Variants in DMXL1 observed in about 807,000 individuals in gnomAD.
DMXL1 encodes the protein dmX-like protein 1.
DMXL1 carries 99 observed loss-of-function variants against 319.2 expected under a neutral mutation model. That is an observed-to-expected ratio of 0.31 (90% CI 0.26 to 0.37). The LOEUF is 0.37. Ranked by LOEUF, DMXL1 falls within the 10% of genes least tolerant of loss-of-function variation. The pLI is 1.00. For missense variants in DMXL1, 3,745 were observed against 3,595.6 expected (o/e 1.04, Z -1.06); for synonymous variants, 1,385 against 1,235.2 (o/e 1.12, Z -2.54).
chr5:119,086,508 G>T (rs571244403), intron 1 of DMXL1, among the ~76,000 whole-genome samples: 86 of 152,170 alleles, frequency 5.7e-4, no homozygotes, highest in African/African-American at 1.9e-3. Flanking sequence ...GTAGTTTTTT[G>T]TTGTTGTTGT....
chr5:119,173,776 G>GTGTATATATATATATATATATATATATA lies in DMXL1; in HGVS notation c.6682-1484_6682-1483insGTATATATATATATATATATATATATAT. Among the ~76,000 whole-genome samples the GTGTATATATATATATATATATATATATA allele has an allele frequency of 3.0e-3, 203 of 67,112 alleles. 15 individuals are homozygous for GTGTATATATATATATATATATATATATA. The highest frequency in any genetic ancestry group is 5.4e-3 in the African/African-American group (97 of 17,982). 44.0% of individuals were successfully genotyped at this position (67,112 alleles called of 152,430 possible). A position where few individuals can be genotyped will look rare whatever the true frequency, so the allele number is the denominator to read the frequency against. On this transcript the variant is annotated intron_variant, in intron 25 of 43. Coordinates refer to ENST00000539542, the MANE Select transcript of DMXL1 (RefSeq NM_001290321.3). ...TGTGTATATATATATATGTGTGTGT[G>GTGTATATATATATATATATATATATATA]TATATATATATATATATATATAATG...
intron 1 of DMXL1, among the ~76,000 whole-genome samples, chr5:119,076,648 A>G (rs1014698141): frequency 6.6e-6 from 1 of 152,224 alleles, no homozygotes; most frequent in Non-Finnish European, 1.5e-5. Context: ...TTTAAAGATA[A>G]GAATTGCTGC....
chr5:119,127,255 A>G, intron 9 of DMXL1: 1 of 216,216 alleles, frequency 4.6e-6, no homozygotes, highest in Non-Finnish European at 9.9e-6. Context: ...CATCAGCAAC[A>G]CCCTTAGGAT....
chr5:119,134,457 G>A (rs1158627859), intron 13 of DMXL1, 68 bp downstream of exon 13: 3 of 1,328,290 alleles, frequency 2.3e-6, no homozygotes, highest in Non-Finnish European at 2.0e-6. Flanking sequence ...ATATTTATTG[G>A]GCATGTTCTA....
rs200453825 is a variant in DMXL1 at position 119,239,959 on chromosome 5, C to CAA, written c.8652-446_8652-445dup. On this transcript the variant is annotated intron_variant, in intron 41 of 43. Transcript: ENST00000539542. ...GCAACAAGAGTGTAAAACTCCATCTCAAAAAAAAAAAAAAACAAAAAATTG... is the reference window on the plus strand; with the variant it reads ...GCAACAAGAGTGTAAAACTCCATCTCAAAAAAAAAAAAAAAAACAAAAAATTG... Among the ~76,000 whole-genome samples the CAA allele has an allele frequency of 4.4e-3, 533 of 121,218 alleles. 2 individuals carry two copies. The highest frequency in any genetic ancestry group is 0.016 in the East Asian group (72 of 4,514). 79.5% of individuals were successfully genotyped at this position (121,218 alleles called of 152,430 possible).
chr5:119,101,846 TTTAAAG>T, intron 2 of DMXL1, 83 bp from the exon 3 acceptor site: 2 of 837,630 alleles, frequency 2.4e-6, no homozygotes, highest in Non-Finnish European at 3.8e-6. Flanking sequence ...TATTGGCATA[TTTAAAG>T]TTATAGTATT....
intron 34 of DMXL1, among the ~76,000 whole-genome samples, chr5:119,209,366 T>TA (rs34068176): frequency 2.1e-3 from 314 of 149,510 alleles, no homozygotes; most frequent in East Asian, 0.016. Context: ...TTTTTTTTTT[T>TA]AAAAGGCAGG....
intron 42 of DMXL1, among the ~76,000 whole-genome samples, chr5:119,241,826 A>G (rs1363701709): frequency 6.6e-6 from 1 of 152,224 alleles, no homozygotes; most frequent in African/African-American, 2.4e-5. Context: ...ACCTGCTCAC[A>G]TGGAGATGAT....
In DMXL1 at chr5:119,148,808, A is replaced by G; in HGVS notation, c.2981A>G (p.Asp994Gly). 1 of 1,613,726 alleles carries G rather than the reference A, an allele frequency of 6.2e-7. No individual in the cohort carries two copies. The highest frequency in any genetic ancestry group is 8.5e-7 in the Non-Finnish European group (1 of 1,179,756). ...TATTTATTGGCAACTTCATGTTCAGATGAGAAAGTAAGATTCTGGAGATGC... is the reference window on the plus strand; with the variant it reads ...TATTTATTGGCAACTTCATGTTCAGGTGAGAAAGTAAGATTCTGGAGATGC... ...APYLLATSCS[D>G]EKVRFWRCRV... The change falls in exon 18 of 44, where the codon GAT (aspartate) becomes GGT (glycine). Residue 994 changes from aspartate (D) to glycine (G), a missense_variant. Physicochemically the swap from Asp to Gly is moderately conservative, Grantham distance 94. This residue lies in a region of DMXL1 where 2,096 missense variants were observed against 1,985.4 expected (regional missense o/e 1.06). Coordinates refer to ENST00000539542, the MANE Select transcript of DMXL1 (RefSeq NM_001290321.3).
intron 1 of DMXL1, among the ~76,000 whole-genome samples, chr5:119,082,017 A>ATATG (rs1752324175): frequency 1.4e-5 from 1 of 70,078 alleles, no homozygotes; most frequent in Non-Finnish European, 2.8e-5. Context: ...ATATATATAT[A>ATATG]TATACACACA....
intron 18 of DMXL1, among the ~76,000 whole-genome samples, chr5:119,151,586 A>G (rs1274999346): frequency 1.3e-5 from 2 of 152,146 alleles, no homozygotes; most frequent in Non-Finnish European, 2.9e-5. Context: ...TGGATGTATG[A>G]TTCGAACAAA....
Position 119,193,827 on chromosome 5 carries a change from G to C in DMXL1, c.7315-1G>C. 1 of 1,610,052 alleles carries C rather than the reference G, an allele frequency of 6.2e-7. No homozygotes were observed. Among genetic ancestry groups the C allele is most frequent in the Non-Finnish European group, 8.5e-7 (1 of 1,178,700 alleles). ...TAAATTTCATGATTTCTTTATTTTAGCCTTTTCTACCCTCTTCTCAAAGTA... is the reference window on the plus strand; with the variant it reads ...TAAATTTCATGATTTCTTTATTTTACCCTTTTCTACCCTCTTCTCAAAGTA... On this transcript the variant is annotated splice_acceptor_variant, in intron 29 of 43. Coordinates refer to ENST00000539542, the MANE Select transcript of DMXL1 (RefSeq NM_001290321.3). LOFTEE classifies it high-confidence loss of function.
chr5:119,147,202 T>C, intron 16 of DMXL1, 47 bp from the exon 17 acceptor site: 1 of 1,501,318 alleles, frequency 6.7e-7, no homozygotes, highest in Non-Finnish European at 9.2e-7. Flanking sequence ...GTAATATTTA[T>C]AGGGTTCCCC....
At chr5:119,126,958 A>G (rs1343588896) in intron 9 of DMXL1, 1 of 160,854 alleles carries the variant, frequency 6.2e-6, no homozygotes, top group Admixed American at 6.7e-5. Context: ...CAGTTTTTGA[A>G]CTTTTTTTTT....
At chr5:119,202,534 A>T (rs1030220413) in intron 32 of DMXL1, among the ~76,000 whole-genome samples, 15 of 152,116 alleles carry the variant, frequency 9.9e-5, no homozygotes, top group African/African-American at 3.1e-4. Flanking sequence ...TAACTATTTA[A>T]CACAAACTTT....
At chr5:119,093,146 C>CT (rs1240234564) in intron 1 of DMXL1, among the ~76,000 whole-genome samples, 1 of 151,982 alleles carries the variant, frequency 6.6e-6, no homozygotes, top group Non-Finnish European at 1.5e-5. Flanking sequence ...CTTTGTGTCT[C>CT]TGTGTCGCAT....
At chr5:119,237,494 AATATAGAACT>A in intron 40 of DMXL1, 80 bp downstream of exon 40, 1 of 822,170 alleles carries the variant, frequency 1.2e-6, no homozygotes, top group Non-Finnish European at 2.1e-6. Flanking sequence ...TGAGACAAGA[AATATAGAACT>A]AATAAATAAA....
At chr5:119,200,687 T>G (rs1263443306) in intron 32 of DMXL1, among the ~76,000 whole-genome samples, 2 of 152,216 alleles carry the variant, frequency 1.3e-5, no homozygotes, top group Admixed American at 6.5e-5. Context: ...TGATATTGAT[T>G]CTTCTTCTCC....
At chr5:119,075,652 G>A (rs1247185531) in intron 1 of DMXL1, among the ~76,000 whole-genome samples, 1 of 152,002 alleles carries the variant, frequency 6.6e-6, no homozygotes, top group Non-Finnish European at 1.5e-5. Flanking sequence ...CTTATTTACT[G>A]GAATGCTTCC....
Sources: gnomAD v4.1 joint callset for allele counts (sites outside exome capture counted in the v4.1 genomes callset) on GRCh38, gnomAD v4.1.1 for gene constraint, gnomAD v4.1.1 regional missense constraint, MANE v1.5 for transcripts, NCBI Gene and HGNC (gene_info 2026-07-23, HGNC 2026-07-21) for gene names.